The following COL12A1 variants were observed in gnomAD, a reference collection of about 807,000 sequenced individuals.
COL12A1 encodes the protein collagen alpha-1(XII) chain.
A neutral mutation model predicts 349.7 loss-of-function variants in COL12A1; 114 were observed. That is an observed-to-expected ratio of 0.33 (90% CI 0.28 to 0.38). The LOEUF (loss-of-function observed/expected upper bound fraction) is 0.38, where lower values mean the gene tolerates loss of function less well. Ranked by LOEUF, COL12A1 falls within the 10% of genes least tolerant of loss-of-function variation. The pLI, the probability that COL12A1 is intolerant of heterozygous loss-of-function variation, is 1.00. For missense variants in COL12A1, 3,284 were observed against 3,756.9 expected (o/e 0.87, Z 3.29); for synonymous variants, 1,369 against 1,329.0 (o/e 1.03, Z -0.66).
In COL12A1 at chr6:75,189,678, T is replaced by C. The variant is rs757416631; in HGVS notation, c.532A>G (p.Arg178Gly). Reference sequence around the variant, plus strand: ...GAGCTGTATTGAACAACTCCAACTCTTGTCTTCTCTTCCCCAATGTCAAAA... The same window carrying C: ...GAGCTGTATTGAACAACTCCAACTCCTGTCTTCTCTTCCCCAATGTCAAAA... ...SAFDIGEEKTRVGVVQYSSDT... is the reference protein window; with the variant it reads ...SAFDIGEEKTGVGVVQYSSDT... Residue 178 changes from arginine to glycine, a missense_variant, in exon 6 of 66, where the codon AGA (arginine) becomes GGA (glycine). By Grantham distance (125) the Arg-to-Gly change is moderately radical. Coordinates refer to ENST00000322507, the MANE Select transcript of COL12A1 (RefSeq NM_004370.6). The C allele has an allele frequency of 6.2e-7, 1 of 1,613,466 alleles. No individual in the cohort carries two copies. Among genetic ancestry groups the C allele is most frequent in the Non-Finnish European group, 8.5e-7 (1 of 1,179,500 alleles).
At chr6:75,105,711 C>A (rs555995366) in intron 53 of COL12A1, among the ~76,000 whole-genome samples, 3 of 152,168 alleles carry the variant, frequency 2.0e-5, no homozygotes, top group Non-Finnish European at 4.4e-5. Context: ...GCTGCTACTA[C>A]CTACCATCAC....
chr6:75,087,615 TGA>T lies in COL12A1; in HGVS notation c.9141_9142del (p.Gln3048ValfsTer56). ...CCCGTTGTATGGGATGCTGGCACAC[TGA>T]GAAGAATCACAGTATCCAGGAGGAC... On this transcript the variant is annotated frameshift_variant, in exon 65 of 66. Transcript: ENST00000322507. LOFTEE classifies it high-confidence loss of function. 1 of 1,613,878 alleles carries T rather than the reference TGA, an allele frequency of 6.2e-7. No individual in the cohort carries two copies. The highest frequency in any genetic ancestry group is 8.5e-7 in the Non-Finnish European group (1 of 1,179,908).
intron 32 of COL12A1, among the ~76,000 whole-genome samples, chr6:75,134,295 C>A (rs1398217255): frequency 6.6e-6 from 1 of 152,098 alleles, no homozygotes; most frequent in African/African-American, 2.4e-5. Context: ...TATGGCCAGG[C>A]ACGGTGGATC....
At chr6:75,164,674 C>T (rs907567832) in intron 14 of COL12A1, among the ~76,000 whole-genome samples, 6 of 152,298 alleles carry the variant, frequency 3.9e-5, no homozygotes, top group Admixed American at 6.5e-5. Context: ...CAGCCTCCTG[C>T]ATTATCAATA....
In COL12A1 at chr6:75,085,595, T is replaced by G; in HGVS notation, c.*952A>C. ...TTCAAAAATCCAGCAGTAAACACAATCATTGCACAAATACTTGGGAAGGGT... is the reference window on the plus strand; with the variant it reads ...TTCAAAAATCCAGCAGTAAACACAAGCATTGCACAAATACTTGGGAAGGGT... On this transcript the variant is annotated 3_prime_UTR_variant, in exon 66 of 66. Transcript: ENST00000322507. 1 of 316,604 alleles carries G rather than the reference T, an allele frequency of 3.2e-6. No individual in the cohort carries two copies. Among genetic ancestry groups the G allele is most frequent in the East Asian group, 7.8e-5 (1 of 12,780 alleles). 19.6% of individuals were successfully genotyped at this position (316,604 alleles called of 1,614,324 possible).
chr6:75,167,606 T>C (rs1768378569), intron 13 of COL12A1, among the ~76,000 whole-genome samples: 1 of 152,224 alleles, frequency 6.6e-6, no homozygotes, highest in Non-Finnish European at 1.5e-5. Context: ...ACATTGTTTA[T>C]TTCCATGACA....
intron 13 of COL12A1, among the ~76,000 whole-genome samples, chr6:75,166,358 A>C (rs1055951395): frequency 6.6e-6 from 1 of 152,212 alleles, no homozygotes; most frequent in African/African-American, 2.4e-5. Context: ...CTTTCAATAT[A>C]GCTTAACCCT....
At chr6:75,105,329 G>A in intron 53 of COL12A1, 37 bp from the exon 54 acceptor site, 1 of 1,559,568 alleles carries the variant, frequency 6.4e-7, no homozygotes, top group Non-Finnish European at 8.8e-7. Flanking sequence ...TTTAAATTTA[G>A]AGGAAAAAAA....
intron 12 of COL12A1, among the ~76,000 whole-genome samples, chr6:75,177,068 C>T (rs902301544): frequency 2.6e-5 from 4 of 152,084 alleles, no homozygotes; most frequent in Admixed American, 2.6e-4. Context: ...TCTTAGTCAT[C>T]CTTCAATTCA....
intron 40 of COL12A1, among the ~76,000 whole-genome samples, chr6:75,124,779 T>A (rs1011129920): frequency 6.6e-6 from 1 of 152,116 alleles, no homozygotes; most frequent in Non-Finnish European, 1.5e-5. Flanking sequence ...TGAATTTAGG[T>A]AATATATATC....
chr6:75,106,542 A>G lies in COL12A1; in HGVS notation c.8101-46T>C, dbSNP rs1471370010. ...CATCAGCTAAAGATGCATGAAAAAC[A>G]TTTTATATTGGCACTTCCACATTTT... On this transcript the variant is annotated intron_variant, in intron 52 of 65. Coordinates refer to ENST00000322507, the MANE Select transcript of COL12A1 (RefSeq NM_004370.6). 3 of 1,551,204 alleles carry G rather than the reference A, an allele frequency of 1.9e-6. No homozygotes were observed. In the South Asian group the frequency reaches 3.4e-5, roughly 17 times the overall value.
chr6:75,130,385 T>C (rs1202678526), intron 36 of COL12A1, 152 bp from the exon 37 acceptor site: 4 of 854,188 alleles, frequency 4.7e-6, no homozygotes, highest in Non-Finnish European at 7.0e-6. Flanking sequence ...TAATGTGAAA[T>C]CATAAACAGT....
intron 57 of COL12A1, 62 bp from the exon 58 acceptor site, chr6:75,101,715 T>G (rs1441302680): frequency 1.9e-6 from 3 of 1,565,258 alleles, no homozygotes; most frequent in African/African-American, 2.8e-5. Flanking sequence ...GGAGAGAATC[T>G]TTGTTATTTT....
chr6:75,178,300 T>C (rs959877444), intron 11 of COL12A1, among the ~76,000 whole-genome samples: 1 of 152,154 alleles, frequency 6.6e-6, no homozygotes, highest in Non-Finnish European at 1.5e-5. Flanking sequence ...CAGCCAAGAC[T>C]TTCACTCTTA....
At chr6:75,156,019 G>A (rs1464744060) in intron 15 of COL12A1, among the ~76,000 whole-genome samples, 165 bp from the exon 16 acceptor site, 1 of 152,174 alleles carries the variant, frequency 6.6e-6, no homozygotes, top group Non-Finnish European at 1.5e-5. Context: ...TAGCTAAGTA[G>A]AAGTGTAAAT....
At chr6:75,173,576 T>C (rs957625012) in intron 13 of COL12A1, among the ~76,000 whole-genome samples, 1 of 152,320 alleles carries the variant, frequency 6.6e-6, no homozygotes, top group East Asian at 1.9e-4. Context: ...GGTTTTACCA[T>C]GTTGGCCAGG....
At chr6:75,099,690 G>A (rs1429047734) in intron 58 of COL12A1, among the ~76,000 whole-genome samples, 1 of 152,120 alleles carries the variant, frequency 6.6e-6, no homozygotes, top group East Asian at 1.9e-4. Flanking sequence ...CAAGTGAGGG[G>A]GCTGAGAAGA....
At chr6:75,126,756 T>C (rs1224971440) in intron 38 of COL12A1, among the ~76,000 whole-genome samples, 1 of 152,150 alleles carries the variant, frequency 6.6e-6, no homozygotes, top group African/African-American at 2.4e-5. Flanking sequence ...CTCAGGATTA[T>C]AGAAAATAAA....
chr6:75,202,712 C>T lies in COL12A1; in HGVS notation c.73+8G>A, dbSNP rs765626825. The stretch of plus-strand genomic sequence containing the variant: ...TGTCACTCGGTGAAGGGGAAGGGAG[C>T]CTTTTACCTTCTGCCTCAATGGAAG... On this transcript the variant is annotated splice_region_variant and intron_variant, in intron 2 of 65. Coordinates refer to ENST00000322507, the MANE Select transcript of COL12A1 (RefSeq NM_004370.6). 9 of 1,551,408 alleles carry T rather than the reference C, an allele frequency of 5.8e-6. 1 individual carries two copies. The South Asian group carries it at 1.1e-4, about 18-fold the overall frequency.
Sources: gnomAD v4.1 joint callset for allele counts (sites outside exome capture counted in the v4.1 genomes callset) on GRCh38, gnomAD v4.1.1 for gene constraint, MANE v1.5 for transcripts, NCBI Gene and HGNC (gene_info 2026-07-23, HGNC 2026-07-21) for gene names.